TNFAIP8: variants seen among roughly 807,000 people sequenced by gnomAD.
TNFAIP8 encodes the protein TNF alpha induced protein 8, also known as tumor necrosis factor alpha-induced protein 8.
TNFAIP8 carries 7 observed loss-of-function variants against 13.3 expected under a neutral mutation model. The observed-to-expected ratio is 0.52, with a 90% CI of 0.30 to 0.99. The LOEUF (loss-of-function observed/expected upper bound fraction) is 0.99, where lower values mean the gene tolerates loss of function less well. Among genes scored for constraint, TNFAIP8 ranks in the 50% least tolerant of loss-of-function variants. TNFAIP8 has a pLI of 0.07. For missense variants in TNFAIP8, 258 were observed against 236.9 expected, an observed-to-expected ratio of 1.09 and a Z score of -0.58; for synonymous variants, 94 against 87.6, an observed-to-expected ratio of 1.07 and a Z score of -0.41.
chr5:119,382,200 T>C (rs968988727), intron 1 of TNFAIP8, among the ~76,000 whole-genome samples: 32 of 152,200 alleles, frequency 2.1e-4, no homozygotes, highest in African/African-American at 7.7e-4. Context: ...TGTGAAACTT[T>C]CCTCAAACCT....
intron 1 of TNFAIP8, among the ~76,000 whole-genome samples, chr5:119,370,329 C>T (rs1482408540): frequency 6.6e-6 from 1 of 152,116 alleles, no homozygotes; most frequent in Non-Finnish European, 1.5e-5. Context: ...AGAAACAATG[C>T]ATGAATCCAC....
chr5:119,374,508 A>C (rs1752205949), intron 1 of TNFAIP8, among the ~76,000 whole-genome samples: 1 of 152,210 alleles, frequency 6.6e-6, no homozygotes, highest in South Asian at 2.1e-4. Context: ...TTTTGAGAGA[A>C]AGGTGAGTAA....
At chr5:119,296,695 G>A (rs976089073) in intron 1 of TNFAIP8, among the ~76,000 whole-genome samples, 1 of 152,180 alleles carries the variant, frequency 6.6e-6, no homozygotes, top group African/African-American at 2.4e-5. Context: ...AGCTTCAGAA[G>A]GAATGGTACC....
intron 1 of TNFAIP8, among the ~76,000 whole-genome samples, chr5:119,306,159 T>C (rs1240915958): frequency 1.3e-5 from 2 of 152,186 alleles, no homozygotes; most frequent in African/African-American, 4.8e-5. Flanking sequence ...GCTATACCTT[T>C]TGGCAAAACT....
chr5:119,383,715 G>A (rs1752571162), intron 1 of TNFAIP8, among the ~76,000 whole-genome samples: 1 of 152,238 alleles, frequency 6.6e-6, no homozygotes. Flanking sequence ...GGAAGCAAGG[G>A]CAAGGGTTGA....
intron 1 of TNFAIP8, among the ~76,000 whole-genome samples, chr5:119,291,988 AGAG>A (rs1197903216): frequency 3.3e-5 from 5 of 152,188 alleles, no homozygotes; most frequent in East Asian, 3.8e-4. Flanking sequence ...GCATTTGCAG[AGAG>A]GAGAAGTGAA....
chr5:119,268,761 C>T (rs1273636240), exon 1 of TNFAIP8: 5 of 664,698 alleles, frequency 7.5e-6, no homozygotes, highest in Non-Finnish European at 1.1e-5. Flanking sequence ...CCCCTGGCCT[C>T]TGCCTCCTTT....
intron 1 of TNFAIP8, among the ~76,000 whole-genome samples, chr5:119,357,195 T>G (rs1476261249): frequency 6.6e-6 from 1 of 152,188 alleles, no homozygotes; most frequent in East Asian, 1.9e-4. Flanking sequence ...CTTATTATGC[T>G]GTGTGAGGGA....
At chr5:119,294,817 C>T (rs1415658457) in intron 1 of TNFAIP8, among the ~76,000 whole-genome samples, 3 of 151,990 alleles carry the variant, frequency 2.0e-5, no homozygotes, top group Non-Finnish European at 4.4e-5. Flanking sequence ...TTTCATGTGT[C>T]TTTTGGCTGC....
chr5:119,356,096 C>A lies in TNFAIP8; in HGVS notation c.6C>A (p.His2Gln). 1 of 1,587,732 alleles carries A rather than the reference C, an allele frequency of 6.3e-7. No individual in the cohort carries two copies. Among genetic ancestry groups the A allele is most frequent in the Non-Finnish European group, 8.6e-7 (1 of 1,165,272 alleles). Residue 2 changes from histidine (H) to glutamine (Q), a missense_variant, in exon 1 of 2, where the codon CAC becomes CAA. Coordinates refer to ENST00000504771, the MANE Select transcript of TNFAIP8 (RefSeq NM_014350.4). M[H>Q]SEAEESKEVA... is the part of the protein sequence containing the mutation. ...CAGCTGGTTATCCTGACATTATGCA[C>A]TCCGAAGCAGAAGAATCCAAGGAAG...
At chr5:119,287,242 G>C (rs1206681574) in intron 1 of TNFAIP8, among the ~76,000 whole-genome samples, 2 of 144,390 alleles carry the variant, frequency 1.4e-5, no homozygotes, top group African/African-American at 5.1e-5. Flanking sequence ...GCAGCTTTCT[G>C]TGCCTTACTA....
At chr5:119,272,113 G>A (rs571145004) in intron 1 of TNFAIP8, among the ~76,000 whole-genome samples, 7 of 152,288 alleles carry the variant, frequency 4.6e-5, no homozygotes, top group Admixed American at 1.3e-4. Flanking sequence ...CTACATTTTG[G>A]CCTGAAGAGG....
At chr5:119,367,650 C>T (rs1014621941) in intron 1 of TNFAIP8, among the ~76,000 whole-genome samples, 3 of 152,170 alleles carry the variant, frequency 2.0e-5, no homozygotes, top group African/African-American at 4.8e-5. Context: ...TACATGTAGG[C>T]AGCTACTAAA....
At chr5:119,322,927 G>C (rs1312881643) in intron 1 of TNFAIP8, among the ~76,000 whole-genome samples, 1 of 152,214 alleles carries the variant, frequency 6.6e-6, no homozygotes, top group African/African-American at 2.4e-5. Flanking sequence ...TTGATGTGAA[G>C]AAAGCTGAAC....
At chr5:119,381,729 C>T (rs923307771) in intron 1 of TNFAIP8, among the ~76,000 whole-genome samples, 9 of 151,748 alleles carry the variant, frequency 5.9e-5, no homozygotes, top group African/African-American at 2.2e-4. Flanking sequence ...AGGAGTTTTA[C>T]CAGGGACAGA....
upstream of TNFAIP8, chr5:119,355,271 CCT>C: frequency 7.1e-6 from 5 of 700,406 alleles, no homozygotes; most frequent in South Asian, 7.4e-5. Context: ...GTGCTCTCCC[CCT>C]GAGGAAGGCC....
upstream of TNFAIP8, among the ~76,000 whole-genome samples, chr5:119,352,245 G>GT (rs1751194553): frequency 6.6e-6 from 1 of 152,196 alleles, no homozygotes; most frequent in African/African-American, 2.4e-5. Context: ...GCCTAACCAG[G>GT]TGAGACCAAG....
At chr5:119,345,464 T>C (rs898677876) in intron 1 of TNFAIP8, among the ~76,000 whole-genome samples, 1 of 152,216 alleles carries the variant, frequency 6.6e-6, no homozygotes, top group African/African-American at 2.4e-5. Context: ...GGTATCCATC[T>C]ACAGAAGGAT....
At chr5:119,386,274 C>A (rs1752668169) in intron 1 of TNFAIP8, among the ~76,000 whole-genome samples, 1 of 152,052 alleles carries the variant, frequency 6.6e-6, no homozygotes, top group South Asian at 2.1e-4. Context: ...AATGAGGGAA[C>A]CAGTAAGCTC....
Sources: allele counts gnomAD v4.1 joint callset (sites outside exome capture counted in the v4.1 genomes callset), GRCh38; gene constraint gnomAD v4.1.1; transcripts MANE v1.5; gene names NCBI Gene and HGNC (gene_info 2026-07-23, HGNC 2026-07-21).